BARX2: variants seen among roughly 807,000 people sequenced by gnomAD.
BARX2 encodes homeobox protein BarH-like 2.
A neutral mutation model predicts 25.5 loss-of-function variants in BARX2; 11 were observed. The observed-to-expected ratio is 0.43, with a 90% CI of 0.27 to 0.71. BARX2 has a LOEUF of 0.71. Ranked by LOEUF, BARX2 falls within the 30% of genes least tolerant of loss-of-function variation. The probability of loss-of-function intolerance (pLI) is 0.19; values close to 1 mark genes in which losing one functional copy is unlikely to be tolerated. For missense variants in BARX2, 360 were observed against 359.9 expected (o/e 1.00, Z 0.00); for synonymous variants, 137 against 149.5 (o/e 0.92, Z 0.61).
At chr11:129,389,728 G>GA (rs5795669) in intron 1 of BARX2, among the ~76,000 whole-genome samples, 134,083 of 146,434 alleles carry the variant, frequency 0.92, 61,407 homozygotes, top group East Asian at 0.99. Context: ...TTTTTTTTTT[G>GA]AAAAAAAATG....
chr11:129,451,483 T>C lies in BARX2; in HGVS notation c.*81T>C, dbSNP rs1862400793. On this transcript the variant is annotated 3_prime_UTR_variant, in exon 4 of 4. Transcript: ENST00000281437. ...CAGGGAGAGTAGGGAGAGAAAACCT[T>C]CCAGCAGCCCAGTAAACTGCGGGCG... 6.7e-7 allele frequency: 1 copy of C among 1,501,616 alleles called. No homozygotes were observed. Among genetic ancestry groups the C allele is most frequent in the Non-Finnish European group, 9.0e-7 (1 of 1,108,340 alleles). The allele number at this position is 1,501,616 out of a possible 1,614,324, so 93.0% of individuals were successfully genotyped here. A position where few individuals can be genotyped will look rare whatever the true frequency, so the allele number is the denominator to read the frequency against.
intron 1 of BARX2, among the ~76,000 whole-genome samples, chr11:129,419,443 T>C (rs569676746): frequency 9.8e-4 from 149 of 152,346 alleles, no homozygotes; most frequent in South Asian, 2.1e-3. Context: ...TTCTATAATA[T>C]TAAGTGAGGA....
chr11:129,432,430 C>T (rs1484171700), intron 1 of BARX2, among the ~76,000 whole-genome samples: 1 of 152,196 alleles, frequency 6.6e-6, no homozygotes, highest in East Asian at 1.9e-4. Context: ...GAATGTGATT[C>T]AAGAACCCAA....
At chr11:129,410,628 G>A (rs1861876779) in intron 1 of BARX2, among the ~76,000 whole-genome samples, 1 of 152,172 alleles carries the variant, frequency 6.6e-6, no homozygotes, top group South Asian at 2.1e-4. Flanking sequence ...TCCCTATAGG[G>A]TCCAGGCAGG....
chr11:129,401,774 G>A (rs1861777833), intron 1 of BARX2, among the ~76,000 whole-genome samples: 1 of 152,086 alleles, frequency 6.6e-6, no homozygotes, highest in South Asian at 2.1e-4. Context: ...TGGCCAACAT[G>A]GTGAAACCCC....
At chr11:129,413,526 C>CT (rs1398536004) in intron 1 of BARX2, among the ~76,000 whole-genome samples, 2 of 152,126 alleles carry the variant, frequency 1.3e-5, no homozygotes, top group East Asian at 3.8e-4. Context: ...TGGAATTTAA[C>CT]TTTATTTTCT....
rs1282870608 is a variant in BARX2 at position 129,376,897 on chromosome 11, G to A, written c.187+675G>A. Among the ~76,000 whole-genome samples the A allele has an allele frequency of 3.9e-5, 6 of 152,170 alleles. No individual in the cohort carries two copies. Among genetic ancestry groups the A allele is most frequent in the Non-Finnish European group, 7.3e-5 (5 of 68,044 alleles). On this transcript the variant is annotated intron_variant, in intron 1 of 3. Coordinates refer to ENST00000281437, the MANE Select transcript of BARX2 (RefSeq NM_003658.5). The surrounding 1 kb of genome is among the most constrained non-coding windows in gnomAD (Gnocchi z 4.2). The stretch of plus-strand genomic sequence containing the variant: ...CTCACACCTGGTTTTCTCTCTTCAC[G>A]GGAGGTAAGAGCAATAGTAAAGATA...
At chr11:129,434,809 A>G (rs900729967) in intron 1 of BARX2, among the ~76,000 whole-genome samples, 1 of 152,214 alleles carries the variant, frequency 6.6e-6, no homozygotes, top group African/African-American at 2.4e-5. Flanking sequence ...CCCACCAACA[A>G]TATATGAATG....
chr11:129,381,810 G>A (rs760457888), intron 1 of BARX2, among the ~76,000 whole-genome samples: 42 of 152,192 alleles, frequency 2.8e-4, no homozygotes, highest in Non-Finnish European at 6.0e-4. Context: ...AAAAAAGAAG[G>A]GAAGAAGGAA....
chr11:129,448,538 T>C (rs1320698235), intron 3 of BARX2, among the ~76,000 whole-genome samples: 2 of 152,192 alleles, frequency 1.3e-5, no homozygotes, highest in African/African-American at 2.4e-5. Flanking sequence ...ACTTCATTAG[T>C]CATCAGGGAA....
At chr11:129,399,110 G>A (rs1219928803) in intron 1 of BARX2, among the ~76,000 whole-genome samples, 1 of 152,164 alleles carries the variant, frequency 6.6e-6, no homozygotes, top group African/African-American at 2.4e-5. Context: ...ATGGTCCCCT[G>A]GGTCAGCTCA....
At chr11:129,379,602 G>A (rs1193437273) in intron 1 of BARX2, among the ~76,000 whole-genome samples, 1 of 152,098 alleles carries the variant, frequency 6.6e-6, no homozygotes, top group East Asian at 1.9e-4. Flanking sequence ...GTTTGTGGAA[G>A]CATCGGCGTG....
At chr11:129,396,814 C>G (rs528407371) in intron 1 of BARX2, among the ~76,000 whole-genome samples, 1 of 152,162 alleles carries the variant, frequency 6.6e-6, no homozygotes, top group African/African-American at 2.4e-5. Flanking sequence ...TCCTAGAACC[C>G]CTGAACTCTT....
At chr11:129,405,288 G>T (rs1485162951) in intron 1 of BARX2, among the ~76,000 whole-genome samples, 2 of 152,058 alleles carry the variant, frequency 1.3e-5, no homozygotes, top group East Asian at 3.9e-4. Flanking sequence ...TTCTAGAAGG[G>T]GTGATGATAG....
intron 1 of BARX2, among the ~76,000 whole-genome samples, chr11:129,433,214 G>A (rs909580462): frequency 6.6e-6 from 1 of 152,118 alleles, no homozygotes; most frequent in South Asian, 2.1e-4. Flanking sequence ...AGACCAAAAC[G>A]TCAGGCCTCT....
intron 1 of BARX2, among the ~76,000 whole-genome samples, chr11:129,402,074 G>A (rs1861782236): frequency 6.7e-6 from 1 of 148,162 alleles, no homozygotes; most frequent in African/African-American, 2.5e-5. Flanking sequence ...TCCTTACATA[G>A]AAGTGTATGA....
chr11:129,430,711 C>T (rs1424939516), intron 1 of BARX2, among the ~76,000 whole-genome samples: 1 of 152,164 alleles, frequency 6.6e-6, no homozygotes, highest in Non-Finnish European at 1.5e-5. Context: ...TTAAGCTCTT[C>T]CCCGACCCTT....
chr11:129,438,962 C>T (rs1862224925), intron 2 of BARX2, among the ~76,000 whole-genome samples: 1 of 152,158 alleles, frequency 6.6e-6, no homozygotes, highest in East Asian at 1.9e-4. Flanking sequence ...AAGCGTGTCT[C>T]GCCGGGTATG....
At position 129,435,763 on chromosome 11, in the gene BARX2, T is replaced by C. The variant is rs1471723481; in HGVS notation, c.188-988T>C. 3.3e-5 allele frequency among the ~76,000 whole-genome samples: 5 copies of C among 152,212 alleles called. No homozygotes were observed. The South Asian group carries it at 1.0e-3, about 32-fold the overall frequency. On this transcript the variant is annotated intron_variant, in intron 1 of 3. Coordinates refer to ENST00000281437, the MANE Select transcript of BARX2 (RefSeq NM_003658.5). ...ATTCACATAGGTAATGATCCAGACA[T>C]TTTAAGCTCTGTGTTGAATAATCAA...
Sources: gnomAD v4.1 joint callset for allele counts (sites outside exome capture counted in the v4.1 genomes callset) on GRCh38, gnomAD v4.1.1 for gene constraint, Gnocchi (gnomAD v3.1) non-coding constraint, MANE v1.5 for transcripts, NCBI Gene and HGNC (gene_info 2026-07-23, HGNC 2026-07-21) for gene names.